The following LY96 variants were observed in gnomAD, a reference collection of about 807,000 sequenced individuals.
LY96 encodes the protein myeloid differentiation protein-2.
A neutral mutation model predicts 18.9 loss-of-function variants in LY96; 18 were observed. That is an observed-to-expected ratio of 0.95 (90% CI 0.66 to 1.41). The LOEUF is 1.41. LY96 is among the 40% of genes most tolerant of loss of function. The pLI is 0.00. For missense variants in LY96, 175 were observed against 182.4 expected (o/e 0.96, Z 0.23); for synonymous variants, 66 against 62.6 (o/e 1.06, Z -0.26).
the LY96 span, among the ~76,000 whole-genome samples, chr8:74,058,395 C>T: frequency 2.0e-5 from 3 of 152,132 alleles, no homozygotes; most frequent in African/African-American, 7.2e-5. Context: ...AAAATATCAT[C>T]CACTGCAAAA....
chr8:74,001,324 A>G (rs1303576826), intron 1 of LY96, among the ~76,000 whole-genome samples: 1 of 150,518 alleles, frequency 6.6e-6, no homozygotes, highest in African/African-American at 2.4e-5. Context: ...CCTGGGTCTG[A>G]GTGATTCTTG....
At chr8:74,073,640 AATTTATTT>A in the LY96 span, among the ~76,000 whole-genome samples, 1,729 of 145,328 alleles carry the variant, frequency 0.012, 19 homozygotes, top group Non-Finnish European at 0.017. Context: ...GAGATTGATG[AATTTATTT>A]ATTTATTTAT....
chr8:73,992,873 T>TGA (rs1285259141), intron 1 of LY96, among the ~76,000 whole-genome samples: 1 of 146,190 alleles, frequency 6.8e-6, no homozygotes, highest in African/African-American at 2.5e-5. Flanking sequence ...TGTGTGTGTG[T>TGA]GTGACAGAGT....
chr8:74,069,646 A>C, the LY96 span, among the ~76,000 whole-genome samples: 1,320 of 152,254 alleles, frequency 8.7e-3, 75 homozygotes, highest in Admixed American at 0.075. Flanking sequence ...TCAGTTGTCC[A>C]GGCTGGAGTG....
At chr8:74,006,950 A>G (rs1294129363) in intron 2 of LY96, among the ~76,000 whole-genome samples, 1 of 152,228 alleles carries the variant, frequency 6.6e-6, no homozygotes, top group Non-Finnish European at 1.5e-5. Flanking sequence ...GCTTGTGAAC[A>G]GTAAAGGGGA....
At chr8:74,046,596 G>T in the LY96 span, among the ~76,000 whole-genome samples, 29 of 152,154 alleles carry the variant, frequency 1.9e-4, no homozygotes, top group Admixed American at 4.6e-4. Flanking sequence ...CCCCGGACAG[G>T]ATATATGAAT....
chr8:74,083,607 A>G, the LY96 span, among the ~76,000 whole-genome samples: 2 of 152,188 alleles, frequency 1.3e-5, no homozygotes, highest in African/African-American at 4.8e-5. Context: ...TTTTATTATA[A>G]GCTTTTACTT....
the LY96 span, among the ~76,000 whole-genome samples, chr8:74,048,263 ATTT>A: frequency 7.0e-6 from 1 of 142,438 alleles, no homozygotes; most frequent in Non-Finnish European, 1.5e-5. Context: ...GTTTAGTTCT[ATTT>A]TTTTTTTTTT....
the LY96 span, among the ~76,000 whole-genome samples, chr8:74,092,436 G>A: frequency 6.6e-6 from 1 of 152,168 alleles, no homozygotes; most frequent in Non-Finnish European, 1.5e-5. Flanking sequence ...AATCCAGCCA[G>A]ATTATGCTCT....
At chr8:74,083,498 G>A in the LY96 span, among the ~76,000 whole-genome samples, 3 of 152,176 alleles carry the variant, frequency 2.0e-5, no homozygotes, top group African/African-American at 7.2e-5. Context: ...ACAGGCATAA[G>A]CCATGACTCT....
At chr8:74,011,587 G>A (rs1301039922) in intron 3 of LY96, among the ~76,000 whole-genome samples, 5 of 152,260 alleles carry the variant, frequency 3.3e-5, no homozygotes, top group South Asian at 2.1e-4. Context: ...GTGGCTAGGC[G>A]CAGTGGCTCA....
downstream of LY96, among the ~76,000 whole-genome samples, chr8:74,032,644 C>A (rs1816989194): frequency 6.6e-6 from 1 of 152,184 alleles, no homozygotes; most frequent in African/African-American, 2.4e-5. Flanking sequence ...TGAATAAAGC[C>A]CTTTCCTTCC....
the LY96 span, among the ~76,000 whole-genome samples, chr8:74,059,117 C>T: frequency 7.0e-4 from 106 of 152,310 alleles, no homozygotes; most frequent in African/African-American, 2.2e-3. Flanking sequence ...GTACTAACCT[C>T]TTCTGGAAAC....
In LY96 at chr8:74,010,047, C is replaced by T. The variant is rs766793944; in HGVS notation, c.249C>T (p.Asn83=). The stretch of plus-strand genomic sequence containing the variant: ...ATTTCAATCTCTATATAACTGTCAA[C>T]ACCATGAATCTTCCAAAGCGCAAAG... ...QLYFNLYITV[N]TMNLPKRKEV... The change falls in exon 3 of 5, where the codon AAC becomes AAT. Residue 83 remains asparagine, a synonymous_variant. Transcript: ENST00000284818. 4 of 1,608,542 alleles carry T rather than the reference C, an allele frequency of 2.5e-6. No homozygotes were observed. In the South Asian group the frequency reaches 4.4e-5, roughly 18 times the overall value.
the LY96 span, among the ~76,000 whole-genome samples, chr8:74,046,278 C>CA: frequency 6.6e-6 from 1 of 152,006 alleles, no homozygotes; most frequent in Non-Finnish European, 1.5e-5. Context: ...GACTCCTTCT[C>CA]AAAAAAATAA....
intron 3 of LY96, among the ~76,000 whole-genome samples, chr8:74,021,759 A>C (rs1816766466): frequency 6.6e-6 from 1 of 152,204 alleles, no homozygotes; most frequent in Non-Finnish European, 1.5e-5. Context: ...CGATGAGTTC[A>C]TGTCCTTTGT....
the LY96 span, among the ~76,000 whole-genome samples, chr8:74,080,199 T>C: frequency 3.9e-5 from 6 of 152,148 alleles, no homozygotes; most frequent in African/African-American, 1.2e-4. Context: ...GTGCCCACTG[T>C]GGGTCTGCCT....
At chr8:74,003,752 CA>C (rs1816349895) in intron 1 of LY96, among the ~76,000 whole-genome samples, 1 of 152,208 alleles carries the variant, frequency 6.6e-6, no homozygotes, top group Non-Finnish European at 1.5e-5. Flanking sequence ...TAGTGTTTAT[CA>C]AGACTTTTCC....
the LY96 span, among the ~76,000 whole-genome samples, chr8:74,082,721 A>C: frequency 1.3e-5 from 2 of 152,146 alleles, no homozygotes; most frequent in African/African-American, 4.8e-5. Context: ...AAACAGGTGC[A>C]CTTGTGTATT....
Sources: gnomAD v4.1 joint callset for allele counts (sites outside exome capture counted in the v4.1 genomes callset) on GRCh38, gnomAD v4.1.1 for gene constraint, MANE v1.5 for transcripts, NCBI Gene and HGNC (gene_info 2026-07-23, HGNC 2026-07-21) for gene names.